RYR3: variants seen among roughly 807,000 people sequenced by gnomAD.
RYR3 encodes the protein ryanodine receptor 3.
In RYR3, 207 loss-of-function variants were observed where a neutral mutation model predicts 584.3. The ratio of observed to expected loss-of-function variants is 0.35; its 90% CI spans 0.32 to 0.40. RYR3 has a LOEUF of 0.40. Ranked by LOEUF, RYR3 falls within the 10% of genes least tolerant of loss-of-function variation. RYR3 has a pLI of 1.00. For synonymous variants in RYR3, 2,416 were observed against 2,248.5 expected (o/e 1.07, Z -2.11); for missense variants, 5,616 against 6,089.2 (o/e 0.92, Z 2.59).
chr15:33,456,505 A>C (rs778580054), intron 1 of RYR3, among the ~76,000 whole-genome samples: 7 of 152,178 alleles, frequency 4.6e-5, no homozygotes, highest in Non-Finnish European at 1.0e-4. Flanking sequence ...CTTCCCTTGC[A>C]AAGAGAGCAG....
intron 90 of RYR3, 66 bp from the exon 91 acceptor site, chr15:33,841,798 A>G: frequency 2.7e-6 from 4 of 1,486,032 alleles, no homozygotes; most frequent in Non-Finnish European, 3.6e-6. Context: ...TCTTTAATCT[A>G]GTCTCCCTTT....
chr15:33,647,840 A>G (rs1429763277), intron 30 of RYR3, among the ~76,000 whole-genome samples: 3 of 152,200 alleles, frequency 2.0e-5, no homozygotes, highest in African/African-American at 7.2e-5. Flanking sequence ...GTCTCTGTGC[A>G]GTGCTAGGAG....
intron 1 of RYR3, among the ~76,000 whole-genome samples, chr15:33,379,687 C>CTCTATATA: frequency 0.025 from 3,118 of 125,394 alleles, 48 homozygotes; most frequent in Non-Finnish European, 0.037. Flanking sequence ...CTCTCTCTCT[C>CTCTATATA]TATATATATA....
intron 3 of RYR3, among the ~76,000 whole-genome samples, chr15:33,524,378 A>G (rs1344459647): frequency 6.6e-6 from 1 of 152,252 alleles, no homozygotes; most frequent in Non-Finnish European, 1.5e-5. Flanking sequence ...GGTAAAGCAT[A>G]GAACATCCTC....
chr15:33,562,710 C>G, intron 10 of RYR3, 127 bp from the exon 11 acceptor site: 1 of 645,766 alleles, frequency 1.5e-6, no homozygotes, highest in Non-Finnish European at 2.7e-6. Flanking sequence ...CTTGGACAGG[C>G]ACATCATGAT....
intron 1 of RYR3, among the ~76,000 whole-genome samples, chr15:33,331,607 A>G (rs771031595): frequency 3.3e-5 from 5 of 152,142 alleles, no homozygotes; most frequent in Non-Finnish European, 7.4e-5. Context: ...TAGGATATTC[A>G]GTGAAATTAT....
intron 64 of RYR3, among the ~76,000 whole-genome samples, chr15:33,774,730 CT>C (rs1295957629): frequency 6.6e-6 from 1 of 152,148 alleles, no homozygotes; most frequent in Admixed American, 6.5e-5. Context: ...AGTTGTCAGG[CT>C]TTCCTTACTG....
At chr15:33,670,874 A>G (rs1175591223) in intron 38 of RYR3, among the ~76,000 whole-genome samples, 1 of 152,050 alleles carries the variant, frequency 6.6e-6, no homozygotes, top group Non-Finnish European at 1.5e-5. Flanking sequence ...TCCTCTTTTA[A>G]CCATTATTGT....
Position 33,810,745 on chromosome 15 carries a change from C to CG in RYR3, c.10197+100dup, listed in dbSNP as rs2076484375. ...GGGTTAGTCCTCCTCCCCTGGGGGG[C>CG]GGGGAGCAGATGCGCAGAAACCAGT... On this transcript the variant is annotated intron_variant, in intron 71 of 103. Coordinates refer to ENST00000634891, the MANE Select transcript of RYR3 (RefSeq NM_001036.6). 4.7e-6 allele frequency: 7 copies of CG among 1,476,238 alleles called. No homozygotes were observed. In the Admixed American group the frequency reaches 1.1e-4, roughly 24 times the overall value. The allele number at this position is 1,476,238 out of a possible 1,614,324, so 91.4% of individuals were successfully genotyped here. A position where few individuals can be genotyped will look rare whatever the true frequency, so the allele number is the denominator to read the frequency against.
Position 33,811,052 on chromosome 15 carries a change from C to T in RYR3, c.10257+15C>T. On this transcript the variant is annotated intron_variant, in intron 72 of 103. Coordinates refer to ENST00000634891, the MANE Select transcript of RYR3 (RefSeq NM_001036.6). The stretch of plus-strand genomic sequence containing the variant: ...TGCAGGAAAAGGTGATGACTCAGGA[C>T]AGCAGTGAGAACTCACACCGGCTTT... 1 of 1,602,048 alleles carries T rather than the reference C, an allele frequency of 6.2e-7. No homozygotes were observed. The highest frequency in any genetic ancestry group is 8.5e-7 in the Non-Finnish European group (1 of 1,173,850).
At position 33,628,632 on chromosome 15, in the gene RYR3, C is replaced by T. The variant is rs76003112; in HGVS notation, c.2679+57C>T. The stretch of plus-strand genomic sequence containing the variant: ...GGTGGGATTGCCTTGTTGCCTGGAA[C>T]TGTTCTTCCTGCTGCATGCCTAGTT... On this transcript the variant is annotated intron_variant, in intron 21 of 103. Coordinates refer to ENST00000634891, the MANE Select transcript of RYR3 (RefSeq NM_001036.6). 3,388 of 1,063,166 alleles carry T rather than the reference C, an allele frequency of 3.2e-3. 32 individuals carry two copies. The highest frequency in any genetic ancestry group is 0.022 in the African/African-American group (1,404 of 64,386). The allele number at this position is 1,063,166 out of a possible 1,614,324, so 65.9% of individuals were successfully genotyped here.
chr15:33,734,211 T>C (rs543582951), intron 48 of RYR3, among the ~76,000 whole-genome samples: 1 of 152,294 alleles, frequency 6.6e-6, no homozygotes, highest in South Asian at 2.1e-4. Flanking sequence ...TGTTACTGCT[T>C]CATTCAACAC....
chr15:33,687,032 C>T (rs764366264), intron 38 of RYR3, among the ~76,000 whole-genome samples: 1 of 152,178 alleles, frequency 6.6e-6, no homozygotes, highest in Non-Finnish European at 1.5e-5. Flanking sequence ...TCTCTCACCA[C>T]GCCTATTCAA....
chr15:33,773,558 A>G lies in RYR3; in HGVS notation c.9080A>G (p.Tyr3027Cys), dbSNP rs765235528. 12 of 1,609,038 alleles carry G rather than the reference A, an allele frequency of 7.5e-6. No homozygotes were observed. The highest frequency in any genetic ancestry group is 1.0e-5 in the Non-Finnish European group (12 of 1,177,508). Residue 3027 changes from tyrosine (Y) to cysteine (C), a missense_variant, in exon 64 of 104, where the codon TAC becomes TGC. Physicochemically the swap from Tyr to Cys is radical, Grantham distance 194 (BLOSUM62 -2). Transcript: ENST00000634891. ...LLLGDVQISC[Y>C]HILCSLYSLG... ...GTGGGTGATGTGCAGATTTCATGCTACCACATACTGTGCAGCCTCTACTCC... is the reference window on the plus strand; with the variant it reads ...GTGGGTGATGTGCAGATTTCATGCTGCCACATACTGTGCAGCCTCTACTCC...
intron 99 of RYR3, 84 bp downstream of exon 99, chr15:33,857,998 G>A: frequency 6.4e-7 from 1 of 1,562,932 alleles, no homozygotes. Context: ...AGGGCTGTGT[G>A]GGGGTGCTCT....
intron 8 of RYR3, among the ~76,000 whole-genome samples, chr15:33,544,867 A>G (rs919071311): frequency 7.7e-5 from 9 of 117,460 alleles, no homozygotes; most frequent in African/African-American, 1.1e-4. Context: ...CCGGCGGTTG[A>G]TAGTTATCTC....
intron 20 of RYR3, among the ~76,000 whole-genome samples, chr15:33,625,583 GA>G (rs1397000827): frequency 6.6e-6 from 1 of 152,014 alleles, no homozygotes; most frequent in Non-Finnish European, 1.5e-5. Context: ...ATTAGCAAGA[GA>G]AAAAAACATT....
chr15:33,586,351 A>G (rs2058847230), intron 16 of RYR3, among the ~76,000 whole-genome samples: 1 of 152,132 alleles, frequency 6.6e-6, no homozygotes, highest in Admixed American at 6.5e-5. Context: ...GCTCATTATC[A>G]TTAACCCTTA....
chr15:33,495,074 C>T (rs1373031232), intron 2 of RYR3, among the ~76,000 whole-genome samples: 1 of 152,144 alleles, frequency 6.6e-6, no homozygotes, highest in Non-Finnish European at 1.5e-5. Flanking sequence ...AAAATATTCC[C>T]ACCTGCCTAA....
Sources: gnomAD v4.1 joint callset for allele counts (sites outside exome capture counted in the v4.1 genomes callset) on GRCh38, gnomAD v4.1.1 for gene constraint, MANE v1.5 for transcripts, NCBI Gene and HGNC (gene_info 2026-07-23, HGNC 2026-07-21) for gene names.